ELOVL7: variants seen among roughly 807,000 people sequenced by gnomAD.
The protein encoded by ELOVL7 is very long chain fatty acid elongase 7.
Under a neutral mutation model 35.7 loss-of-function variants are expected in ELOVL7, and 27 were observed. That is an observed-to-expected ratio of 0.76 (90% CI 0.56 to 1.04). The LOEUF (loss-of-function observed/expected upper bound fraction) is 1.04, where lower values mean the gene tolerates loss of function less well. Among genes scored for constraint, ELOVL7 ranks in the 50% least tolerant of loss-of-function variants. ELOVL7 has a pLI of 0.00. For synonymous variants in ELOVL7, 113 were observed against 114.6 expected (o/e 0.99, Z 0.09); for missense variants, 327 against 340.8 (o/e 0.96, Z 0.32).
intron 6 of ELOVL7, among the ~76,000 whole-genome samples, chr5:60,765,503 T>C (rs900906848): frequency 6.6e-6 from 1 of 152,154 alleles, no homozygotes; most frequent in Non-Finnish European, 1.5e-5. Flanking sequence ...TGCAATTAAT[T>C]CTATTGCACA....
At chr5:60,772,673 C>G (rs576348122) in intron 3 of ELOVL7, among the ~76,000 whole-genome samples, 1 of 152,158 alleles carries the variant, frequency 6.6e-6, no homozygotes, top group African/African-American at 2.4e-5. Flanking sequence ...CTGGCTGAAT[C>G]TAACCAGAAA....
chr5:60,802,086 A>C, intron 1 of ELOVL7, among the ~76,000 whole-genome samples: 1 of 12,606 alleles, frequency 7.9e-5, no homozygotes, highest in Admixed American at 5.9e-4. Context: ...ATATATATAT[A>C]TATATATATA....
At chr5:60,841,726 G>T (rs1457309793) in intron 1 of ELOVL7, among the ~76,000 whole-genome samples, 1 of 152,040 alleles carries the variant, frequency 6.6e-6, no homozygotes, top group East Asian at 1.9e-4. Flanking sequence ...TATGTGCTAC[G>T]TTTTTCAATA....
chr5:60,823,217 G>A (rs1392560893), intron 1 of ELOVL7, among the ~76,000 whole-genome samples: 1 of 152,126 alleles, frequency 6.6e-6, no homozygotes, highest in Non-Finnish European at 1.5e-5. Context: ...GCCCTGCAAG[G>A]CAGCATTCTC....
At chr5:60,772,206 G>C (rs1299891761) in intron 3 of ELOVL7, 113 bp from the exon 4 acceptor site, 1 of 641,234 alleles carries the variant, frequency 1.6e-6, no homozygotes, top group Non-Finnish European at 2.7e-6. Context: ...TGAGCTATTT[G>C]GGCAGTGATC....
At chr5:60,830,601 C>A (rs911172388) in intron 1 of ELOVL7, among the ~76,000 whole-genome samples, 1 of 141,704 alleles carries the variant, frequency 7.1e-6, no homozygotes, top group African/African-American at 2.6e-5. Context: ...CTTTTTTTTT[C>A]TTTCTTTCTT....
intron 1 of ELOVL7, among the ~76,000 whole-genome samples, chr5:60,826,567 G>GT (rs1377421607): frequency 6.6e-6 from 1 of 152,102 alleles, no homozygotes; most frequent in Non-Finnish European, 1.5e-5. Flanking sequence ...GCCAGTGCCT[G>GT]TTTTTTAACA....
At chr5:60,797,282 G>A (rs2112272173) in intron 2 of ELOVL7, among the ~76,000 whole-genome samples, 1 of 152,266 alleles carries the variant, frequency 6.6e-6, no homozygotes, top group Non-Finnish European at 1.5e-5. Context: ...ACAGGATTTT[G>A]TGTTTTGTTT....
chr5:60,819,635 A>G (rs1745771102), intron 1 of ELOVL7, among the ~76,000 whole-genome samples: 1 of 152,190 alleles, frequency 6.6e-6, no homozygotes, highest in Non-Finnish European at 1.5e-5. Flanking sequence ...TACAAAAATT[A>G]GCTCGGCGTG....
At chr5:60,816,688 A>T (rs1745536339) in intron 1 of ELOVL7, among the ~76,000 whole-genome samples, 1 of 152,214 alleles carries the variant, frequency 6.6e-6, no homozygotes, top group Non-Finnish European at 1.5e-5. Context: ...TACTTTAAAT[A>T]TTTAAGAAAT....
intron 1 of ELOVL7, among the ~76,000 whole-genome samples, chr5:60,800,344 A>C (rs1361889179): frequency 1.3e-5 from 2 of 152,230 alleles, no homozygotes; most frequent in Admixed American, 6.5e-5. Context: ...AAATCAATAA[A>C]TGTGATATAC....
intron 1 of ELOVL7, among the ~76,000 whole-genome samples, chr5:60,815,545 T>C (rs953315463): frequency 6.3e-4 from 5 of 7,974 alleles, no homozygotes; most frequent in African/African-American, 2.4e-3. Flanking sequence ...CAATAAAATT[T>C]ATTTATTTTA....
At chr5:60,759,845 G>A (rs964456511) in intron 7 of ELOVL7, among the ~76,000 whole-genome samples, 4 of 151,652 alleles carry the variant, frequency 2.6e-5, no homozygotes, top group African/African-American at 9.7e-5. Context: ...GTGTCCATGT[G>A]TTCTCATTGT....
intron 1 of ELOVL7, among the ~76,000 whole-genome samples, chr5:60,836,142 C>CATAT (rs150666593): frequency 1.3e-3 from 189 of 151,166 alleles, no homozygotes; most frequent in East Asian, 2.9e-3. Flanking sequence ...TATGTTCAAC[C>CATAT]ATATATATAT....
intron 1 of ELOVL7, among the ~76,000 whole-genome samples, chr5:60,828,115 C>T (rs1395113511): frequency 1.3e-5 from 2 of 152,090 alleles, no homozygotes; most frequent in Non-Finnish European, 1.5e-5. Flanking sequence ...AACCCTCTAG[C>T]AATTTGTTAG....
At chr5:60,841,216 G>C (rs188301274) in intron 1 of ELOVL7, among the ~76,000 whole-genome samples, 1 of 151,854 alleles carries the variant, frequency 6.6e-6, no homozygotes, top group Admixed American at 6.6e-5. Context: ...AGTAGAGATG[G>C]GGTTTCACCA....
At chr5:60,829,660 T>G (rs574412806) in intron 1 of ELOVL7, among the ~76,000 whole-genome samples, 1 of 152,172 alleles carries the variant, frequency 6.6e-6, no homozygotes, top group African/African-American at 2.4e-5. Flanking sequence ...AATTCTGGAA[T>G]GATGAAAAGG....
At chr5:60,772,859 A>G (rs937366935) in intron 3 of ELOVL7, among the ~76,000 whole-genome samples, 7 of 152,202 alleles carry the variant, frequency 4.6e-5, no homozygotes, top group African/African-American at 1.4e-4. Context: ...TATATATTAA[A>G]AAAAGTTTGT....
chr5:60,809,632 C>A (rs1220646406), intron 1 of ELOVL7, among the ~76,000 whole-genome samples: 1 of 152,270 alleles, frequency 6.6e-6, no homozygotes, highest in East Asian at 1.9e-4. Context: ...ACAAAAACAT[C>A]TTGAATACAT....
Sources: allele counts gnomAD v4.1 joint callset (sites outside exome capture counted in the v4.1 genomes callset), GRCh38; gene constraint gnomAD v4.1.1; transcripts MANE v1.5; gene names NCBI Gene and HGNC (gene_info 2026-07-23, HGNC 2026-07-21).